Variants in DNAH9 observed in about 807,000 individuals in gnomAD.
DNAH9 encodes DNAH9 variant protein.
A neutral mutation model predicts 471.6 loss-of-function variants in DNAH9; 345 were observed. The observed-to-expected ratio is 0.73, with a 90% CI of 0.67 to 0.80. DNAH9 has a LOEUF of 0.80. Among genes scored for constraint, DNAH9 ranks in the 30% least tolerant of loss-of-function variants. The pLI, the probability that DNAH9 is intolerant of heterozygous loss-of-function variation, is 0.00. For missense variants in DNAH9, 5,407 were observed against 5,609.2 expected (o/e 0.96, Z 1.15); for synonymous variants, 2,093 against 2,123.6 (o/e 0.99, Z 0.40).
chr17:11,850,524 T>C (rs1458719299), intron 49 of DNAH9, among the ~76,000 whole-genome samples: 2 of 152,024 alleles, frequency 1.3e-5, no homozygotes, highest in African/African-American at 4.8e-5. Context: ...GGCGGGTGCC[T>C]GTAATCCCAG....
intron 59 of DNAH9, among the ~76,000 whole-genome samples, chr17:11,895,339 C>T (rs1286765154): frequency 1.3e-5 from 2 of 152,120 alleles, no homozygotes; most frequent in African/African-American, 4.8e-5. Flanking sequence ...CGGGTTTCAG[C>T]GCCATGTGAG....
intron 45 of DNAH9, among the ~76,000 whole-genome samples, chr17:11,811,255 G>A (rs1309539523): frequency 6.6e-6 from 1 of 152,052 alleles, no homozygotes; most frequent in Non-Finnish European, 1.5e-5. Flanking sequence ...GGAGGTTGCA[G>A]TGAGCTGAGA....
chr17:11,664,075 T>C (rs60629984), intron 14 of DNAH9, among the ~76,000 whole-genome samples: 2,781 of 152,286 alleles, frequency 0.018, 52 homozygotes, highest in East Asian at 0.097. Context: ...TTTCTGAAGA[T>C]ATTAGATAAC....
At chr17:11,794,341 C>T (rs919352104) in intron 42 of DNAH9, among the ~76,000 whole-genome samples, 9 of 152,128 alleles carry the variant, frequency 5.9e-5, no homozygotes, top group Admixed American at 6.5e-5. Flanking sequence ...GGATTACAGG[C>T]GTGAGCCACT....
intron 5 of DNAH9, among the ~76,000 whole-genome samples, chr17:11,618,987 A>T (rs2150654642): frequency 6.6e-6 from 1 of 152,290 alleles, no homozygotes; most frequent in South Asian, 2.1e-4. Context: ...CGAAACCAAA[A>T]GTAGGAGCAA....
chr17:11,932,111 G>A lies in DNAH9; in HGVS notation c.12203G>A (p.Gly4068Glu). The A allele has an allele frequency of 1.2e-6, 2 of 1,614,030 alleles. No homozygotes were observed. Among genetic ancestry groups the A allele is most frequent in the Non-Finnish European group, 8.5e-7 (1 of 1,180,022 alleles). ...GTGGTGGCAGAAAGACGAAAATTTGGGCCCCAGGGATGGAATCGCTCATAC... is the reference window on the plus strand; with the variant it reads ...GTGGTGGCAGAAAGACGAAAATTTGAGCCCCAGGGATGGAATCGCTCATAC... Reference protein sequence around the residue: ...HAVVAERRKFGPQGWNRSYPF... With the variant: ...HAVVAERRKFEPQGWNRSYPF... The change falls in exon 64 of 69, where the codon GGG becomes GAG. Residue 4068 changes from glycine (G) to glutamate (E), a missense_variant. Physicochemically the swap from Gly to Glu is moderately conservative, Grantham distance 98 (BLOSUM62 -2). Coordinates refer to ENST00000262442, the MANE Select transcript of DNAH9 (RefSeq NM_001372.4). This position sits in a 1 kb window ranked among gnomAD's most constrained non-coding sequence, Gnocchi z 4.3.
chr17:11,689,005 G>A (rs1372227450), intron 19 of DNAH9, among the ~76,000 whole-genome samples: 1 of 151,984 alleles, frequency 6.6e-6, no homozygotes, highest in Non-Finnish European at 1.5e-5. Flanking sequence ...CTGAGGCAGA[G>A]AATTGCTTGA....
At chr17:11,751,484 A>G (rs1177540837) in intron 32 of DNAH9, among the ~76,000 whole-genome samples, 1 of 152,092 alleles carries the variant, frequency 6.6e-6, no homozygotes, top group African/African-American at 2.4e-5. Flanking sequence ...AACATTAACA[A>G]ACTAAAGGGG....
At chr17:11,888,983 CTCT>C (rs761892811) in intron 57 of DNAH9, among the ~76,000 whole-genome samples, 13 of 152,202 alleles carry the variant, frequency 8.5e-5, no homozygotes, top group Admixed American at 3.3e-4. Context: ...CATGCAAAAA[CTCT>C]TCAACAGCCA....
intron 14 of DNAH9, among the ~76,000 whole-genome samples, chr17:11,658,903 T>A (rs527963306): frequency 6.6e-6 from 1 of 152,362 alleles, no homozygotes; most frequent in East Asian, 1.9e-4. Context: ...CTGATAATTT[T>A]AAAAGATTTT....
chr17:11,823,836 A>T (rs1005940466), intron 48 of DNAH9, among the ~76,000 whole-genome samples: 2 of 152,064 alleles, frequency 1.3e-5, no homozygotes, highest in Non-Finnish European at 2.9e-5. Context: ...AGGCTGAGGC[A>T]GGAAAATCAC....
intron 28 of DNAH9, among the ~76,000 whole-genome samples, chr17:11,728,475 A>G (rs2075195101): frequency 6.7e-6 from 1 of 148,672 alleles, no homozygotes; most frequent in South Asian, 2.3e-4. Context: ...AGTAAGTGTT[A>G]TGCAAAAGAC....
chr17:11,679,965 T>G lies in DNAH9; in HGVS notation c.3562T>G (p.Phe1188Val). 1 of 1,613,622 alleles carries G rather than the reference T, an allele frequency of 6.2e-7. No homozygotes were observed. Among genetic ancestry groups the G allele is most frequent in the Non-Finnish European group, 8.5e-7 (1 of 1,179,610 alleles). ...TYEQELPETV[F>V]KQLEELPEKW... ...TGAACAAGAATTGCCAGAAACAGTGTTTAAGCAGCTGGAGGTCAGTGCATT... is the reference window on the plus strand; with the variant it reads ...TGAACAAGAATTGCCAGAAACAGTGGTTAAGCAGCTGGAGGTCAGTGCATT... The change falls in exon 18 of 69, where the codon TTT becomes GTT. Residue 1188 changes from phenylalanine to valine, a missense_variant. Coordinates refer to ENST00000262442, the MANE Select transcript of DNAH9 (RefSeq NM_001372.4).
intron 28 of DNAH9, among the ~76,000 whole-genome samples, chr17:11,733,035 A>T (rs1447629039): frequency 6.6e-6 from 1 of 152,352 alleles, no homozygotes; most frequent in East Asian, 1.9e-4. Flanking sequence ...TTAAAGTCTA[A>T]TGGGAAAAAA....
intron 45 of DNAH9, among the ~76,000 whole-genome samples, chr17:11,818,487 T>G (rs1970189486): frequency 6.6e-6 from 1 of 152,080 alleles, no homozygotes; most frequent in African/African-American, 2.4e-5. Flanking sequence ...AATGACTTCT[T>G]TCATCACTAA....
chr17:11,647,903 G>C (rs1331621212), intron 12 of DNAH9, among the ~76,000 whole-genome samples: 1 of 152,206 alleles, frequency 6.6e-6, no homozygotes, highest in South Asian at 2.1e-4. Context: ...TTAGTGGATA[G>C]ATAGCAGGGA....
intron 26 of DNAH9, among the ~76,000 whole-genome samples, chr17:11,718,378 G>A (rs1212620631): frequency 6.6e-6 from 1 of 152,234 alleles, no homozygotes; most frequent in Admixed American, 6.5e-5. Flanking sequence ...TATGAATACT[G>A]TTGCTATGAA....
chr17:11,600,381 A>G (rs1016471123), intron 1 of DNAH9, among the ~76,000 whole-genome samples: 1 of 152,188 alleles, frequency 6.6e-6, no homozygotes, highest in Non-Finnish European at 1.5e-5. Flanking sequence ...CTGAGAGCAG[A>G]CTGATCAAAG....
chr17:11,692,558 AT>A (rs1454210943), intron 20 of DNAH9, among the ~76,000 whole-genome samples: 1 of 152,186 alleles, frequency 6.6e-6, no homozygotes, highest in Non-Finnish European at 1.5e-5. Flanking sequence ...AGAACGTTAG[AT>A]CCACTATCTA....
Sources: gnomAD v4.1 joint callset for allele counts (sites outside exome capture counted in the v4.1 genomes callset) on GRCh38, gnomAD v4.1.1 for gene constraint, Gnocchi (gnomAD v3.1) non-coding constraint, MANE v1.5 for transcripts, NCBI Gene and HGNC (gene_info 2026-07-23, HGNC 2026-07-21) for gene names.